Variants in RBM47 observed in about 807,000 individuals in gnomAD.
RBM47 encodes RNA binding motif protein 47, also known as RNA-binding protein 47.
A neutral mutation model predicts 47.1 loss-of-function variants in RBM47; 21 were observed. The observed-to-expected ratio is 0.45, with a 90% CI of 0.32 to 0.64. The LOEUF is 0.64. Ranked by LOEUF, RBM47 falls within the 30% of genes least tolerant of loss-of-function variation. The probability of loss-of-function intolerance (pLI) is 0.05; values close to 1 mark genes in which losing one functional copy is unlikely to be tolerated. For synonymous variants in RBM47, 375 were observed against 361.7 expected, an observed-to-expected ratio of 1.04 and a Z score of -0.42; for missense variants, 708 against 870.9, an observed-to-expected ratio of 0.81 and a Z score of 2.35.
intron 2 of RBM47, among the ~76,000 whole-genome samples, chr4:40,470,518 A>G (rs967108211): frequency 3.9e-5 from 6 of 152,126 alleles, no homozygotes; most frequent in Non-Finnish European, 7.4e-5. Flanking sequence ...GACGTGTCGT[A>G]TGTAGTTTTG....
At chr4:40,518,541 AACAG>A (rs1725863616) in intron 2 of RBM47, among the ~76,000 whole-genome samples, 1 of 152,062 alleles carries the variant, frequency 6.6e-6, no homozygotes, top group African/African-American at 2.4e-5. Flanking sequence ...CATTTAATTA[AACAG>A]ACAGATGAGA....
chr4:40,503,229 C>T (rs6841396), intron 2 of RBM47, among the ~76,000 whole-genome samples: 5,507 of 152,250 alleles, frequency 0.036, 331 homozygotes, highest in African/African-American at 0.12. Context: ...AGGCAAAGGA[C>T]TCTCCTGACA....
At chr4:40,616,402 G>A (rs1736737590) in intron 1 of RBM47, among the ~76,000 whole-genome samples, 1 of 150,616 alleles carries the variant, frequency 6.6e-6, no homozygotes, top group Non-Finnish European at 1.5e-5. Flanking sequence ...GTCATTGCTT[G>A]AGACCAAAAT....
At position 40,605,617 on chromosome 4, in the gene RBM47, G is replaced by A. The variant is rs1735691292; in HGVS notation, c.-240+23779C>T. ...AGGCCAAGGCGGGCAGATCACCTGA[G>A]GTTAGGAGTTTGAGACCAGCCTGGC... On this transcript the variant is annotated intron_variant, in intron 1 of 6. Coordinates refer to ENST00000295971, the MANE Select transcript of RBM47 (RefSeq NM_001098634.2). Among the ~76,000 whole-genome samples, 4 of 151,994 alleles carry A rather than the reference G, an allele frequency of 2.6e-5. No homozygotes were observed. In the South Asian group the frequency reaches 8.3e-4, roughly 32 times the overall value.
Position 40,467,343 on chromosome 4 carries a change from G to C in RBM47, c.-154-644C>G, listed in dbSNP as rs144449217. ...TTTGCTCTGTCGCCCAGGCTGGAGT[G>C]CAGTTGCGTAGTCTCGGCTCACTGC... is the stretch of plus-strand genomic sequence containing the variant. On this transcript the variant is annotated intron_variant, in intron 2 of 6. Transcript: ENST00000295971. 3.7e-3 allele frequency among the ~76,000 whole-genome samples: 565 copies of C among 151,962 alleles called. 4 individuals carry two copies. The highest frequency in any genetic ancestry group is 0.013 in the African/African-American group (534 of 41,428).
intron 2 of RBM47, among the ~76,000 whole-genome samples, chr4:40,482,722 T>A (rs1720589940): frequency 6.6e-6 from 1 of 152,360 alleles, no homozygotes; most frequent in African/African-American, 2.4e-5. Context: ...AAAATTGGAA[T>A]AAACCTTAGA....
chr4:40,560,371 G>A (rs1730492862), intron 1 of RBM47, among the ~76,000 whole-genome samples: 1 of 152,196 alleles, frequency 6.6e-6, no homozygotes, highest in Non-Finnish European at 1.5e-5. Context: ...ATGAGCATGT[G>A]CATGGCCCAG....
chr4:40,520,905 T>C (rs1323725897), intron 2 of RBM47, among the ~76,000 whole-genome samples: 1 of 152,126 alleles, frequency 6.6e-6, no homozygotes, highest in Non-Finnish European at 1.5e-5. Flanking sequence ...CAAAGTGAGG[T>C]CCCTGGAATG....
intron 6 of RBM47, 135 bp from the exon 7 acceptor site, chr4:40,426,278 A>G: frequency 8.6e-7 from 1 of 1,163,760 alleles, no homozygotes; most frequent in African/African-American, 1.5e-5. Context: ...AGGGGCGGGC[A>G]AACAGCAATT....
intron 1 of RBM47, 86 bp from the exon 2 acceptor site, chr4:40,544,592 A>G (rs900842632): frequency 6.6e-6 from 1 of 152,158 alleles, no homozygotes; most frequent in African/African-American, 2.4e-5. Flanking sequence ...GAACTGGGAG[A>G]GCGGGTGAGA....
At chr4:40,534,564 T>C (rs1727733534) in intron 2 of RBM47, among the ~76,000 whole-genome samples, 1 of 152,182 alleles carries the variant, frequency 6.6e-6, no homozygotes, top group Non-Finnish European at 1.5e-5. Context: ...AGCGAACTCC[T>C]GGGGACCTGG....
At chr4:40,559,031 A>C (rs1253443504) in intron 1 of RBM47, among the ~76,000 whole-genome samples, 2 of 152,148 alleles carry the variant, frequency 1.3e-5, no homozygotes, top group African/African-American at 4.8e-5. Context: ...CTATGTTCCA[A>C]GCACTGTGCT....
chr4:40,578,235 T>C (rs1165616633), intron 1 of RBM47, among the ~76,000 whole-genome samples: 2 of 152,214 alleles, frequency 1.3e-5, no homozygotes, highest in Non-Finnish European at 2.9e-5. Context: ...TAAAGTAATC[T>C]GATGTTATTT....
At chr4:40,489,561 T>TA (rs1721574823) in intron 2 of RBM47, among the ~76,000 whole-genome samples, 1 of 152,046 alleles carries the variant, frequency 6.6e-6, no homozygotes, top group African/African-American at 2.4e-5. Flanking sequence ...GCCAGCAAAT[T>TA]AGATAACCTA....
At chr4:40,490,579 T>C (rs760398436) in intron 2 of RBM47, among the ~76,000 whole-genome samples, 5 of 151,964 alleles carry the variant, frequency 3.3e-5, no homozygotes, top group Non-Finnish European at 7.4e-5. Flanking sequence ...TACAAAACAT[T>C]GTTCAAAGAA....
intron 1 of RBM47, among the ~76,000 whole-genome samples, chr4:40,591,657 G>A (rs1210521865): frequency 6.6e-6 from 1 of 152,148 alleles, no homozygotes; most frequent in Non-Finnish European, 1.5e-5. Context: ...TCACACCATT[G>A]CACTCCAGCC....
intron 1 of RBM47, among the ~76,000 whole-genome samples, chr4:40,625,690 C>T (rs760363689): frequency 1.3e-5 from 2 of 152,312 alleles, no homozygotes; most frequent in South Asian, 4.1e-4. Context: ...CAGGAACCCA[C>T]TGTGGTCTTC....
rs147135749 is a variant in RBM47 at position 40,461,183 on chromosome 4, A to G, written c.-32+5394T>C. Among the ~76,000 whole-genome samples the G allele has an allele frequency of 1.8e-3, 268 of 152,302 alleles. 6 individuals carry two copies. The East Asian group carries it at 0.042, about 24-fold the overall frequency. On this transcript the variant is annotated intron_variant, in intron 3 of 6. Transcript: ENST00000295971. Reference sequence around the variant, plus strand: ...TTCCCAGGTCTACTAAACTCCTGGAACAATTGTTGGCATTTAATTGCTATT... The same window carrying G: ...TTCCCAGGTCTACTAAACTCCTGGAGCAATTGTTGGCATTTAATTGCTATT...
chr4:40,599,944 C>T (rs1370784286), intron 1 of RBM47, among the ~76,000 whole-genome samples: 1 of 152,118 alleles, frequency 6.6e-6, no homozygotes, highest in Non-Finnish European at 1.5e-5. Flanking sequence ...CTAGAAACTA[C>T]ACACTAATAT....
Sources: allele counts gnomAD v4.1 joint callset (sites outside exome capture counted in the v4.1 genomes callset), GRCh38; gene constraint gnomAD v4.1.1; transcripts MANE v1.5; gene names NCBI Gene and HGNC (gene_info 2026-07-23, HGNC 2026-07-21).